Variants in CMTM7 observed in about 807,000 individuals in gnomAD.
CMTM7 encodes CKLF like MARVEL transmembrane domain containing 7, also known as CKLF-like MARVEL transmembrane domain-containing protein 7.
Under a neutral mutation model 19.3 loss-of-function variants are expected in CMTM7, and 7 were observed. The observed-to-expected ratio is 0.36, with a 90% confidence interval of 0.21 to 0.68. CMTM7 has a LOEUF of 0.68. CMTM7 is among the 30% of genes least tolerant of loss of function. CMTM7 has a pLI of 0.60. For missense variants in CMTM7, 193 were observed against 232.6 expected (o/e 0.83, Z 1.11); for synonymous variants, 87 against 99.3 (o/e 0.88, Z 0.74).
intron 2 of CMTM7, among the ~76,000 whole-genome samples, chr3:32,446,934 C>T (rs1465156282): frequency 2.0e-5 from 3 of 152,140 alleles, no homozygotes; most frequent in Non-Finnish European, 2.9e-5. Context: ...AACCTCTTTT[C>T]TTTATTTGTT....
intron 1 of CMTM7, among the ~76,000 whole-genome samples, chr3:32,400,428 C>T (rs1402520868): frequency 2.7e-5 from 3 of 109,480 alleles, no homozygotes; most frequent in East Asian, 2.6e-4. Context: ...GGTGGAGTCT[C>T]ACTCTGTTGC....
intron 1 of CMTM7, among the ~76,000 whole-genome samples, chr3:32,394,967 A>AT (rs943393094): frequency 1.3e-5 from 2 of 150,700 alleles, no homozygotes; most frequent in Non-Finnish European, 2.9e-5. Flanking sequence ...AAGCGCTGGT[A>AT]TTACAGGTGT....
intron 1 of CMTM7, among the ~76,000 whole-genome samples, chr3:32,430,309 C>T (rs994121982): frequency 6.6e-6 from 1 of 152,094 alleles, no homozygotes; most frequent in Admixed American, 6.5e-5. Context: ...TGCTGGCCAG[C>T]GTGTCTGCTT....
intron 1 of CMTM7, among the ~76,000 whole-genome samples, chr3:32,420,531 C>T (rs138032586): frequency 1.3e-5 from 2 of 152,346 alleles, no homozygotes; most frequent in Non-Finnish European, 2.9e-5. Flanking sequence ...GGAGGGCTGA[C>T]TCTACGCCAG....
intron 1 of CMTM7, among the ~76,000 whole-genome samples, chr3:32,439,291 A>T (rs1340373030): frequency 6.6e-6 from 1 of 152,122 alleles, no homozygotes; most frequent in Non-Finnish European, 1.5e-5. Flanking sequence ...TAAGCAGAGC[A>T]CTCTCCATAC....
intron 2 of CMTM7, among the ~76,000 whole-genome samples, chr3:32,446,822 C>T (rs1227752333): frequency 1.3e-5 from 2 of 152,162 alleles, no homozygotes; most frequent in Non-Finnish European, 1.5e-5. Flanking sequence ...GCCTGCTCAC[C>T]TTCACCTTTG....
intron 1 of CMTM7, among the ~76,000 whole-genome samples, chr3:32,438,583 A>G (rs1388398732): frequency 6.6e-6 from 1 of 152,204 alleles, no homozygotes; most frequent in East Asian, 1.9e-4. Flanking sequence ...AGGAGCACGC[A>G]TAAGCACACA....
chr3:32,449,825 G>T lies in CMTM7; in HGVS notation c.432+273G>T, dbSNP rs996443476. Among the ~76,000 whole-genome samples, 1 of 152,118 alleles carries T rather than the reference G, an allele frequency of 6.6e-6. No individual in the cohort carries two copies. The highest frequency in any genetic ancestry group is 1.5e-5 in the Non-Finnish European group (1 of 68,036). ...ACTACTGAAATCAGGGGGCCAGGCG[G>T]GTTTTAATTCACACACCCACTCTGA... On this transcript the variant is annotated intron_variant, in intron 3 of 4. Coordinates refer to ENST00000334983, the MANE Select transcript of CMTM7 (RefSeq NM_138410.4). The surrounding 1 kb of genome is among the most constrained non-coding windows in gnomAD (Gnocchi z 4.5).
At position 32,423,970 on chromosome 3, in the gene CMTM7, C is replaced by G. The variant is rs374284213; in HGVS notation, c.160-17870C>G. Among the ~76,000 whole-genome samples the G allele has an allele frequency of 9.9e-5, 15 of 152,274 alleles. No homozygotes were observed. In the East Asian group the frequency reaches 2.1e-3, roughly 22 times the overall value. The stretch of plus-strand genomic sequence containing the variant: ...ACTTTCAATAGAGGCCAGATAGGAC[C>G]TTTTTCTCTTTAAGTGCTTGTTCCA... On this transcript the variant is annotated intron_variant, in intron 1 of 4. Coordinates refer to ENST00000334983, the MANE Select transcript of CMTM7 (RefSeq NM_138410.4).
At chr3:32,425,083 T>C (rs1396595608) in intron 1 of CMTM7, among the ~76,000 whole-genome samples, 3 of 152,208 alleles carry the variant, frequency 2.0e-5, no homozygotes, top group Non-Finnish European at 4.4e-5. Context: ...ATCCCAGTTC[T>C]GTGTAAACAG....
intron 1 of CMTM7, among the ~76,000 whole-genome samples, chr3:32,407,128 C>T (rs1696101819): frequency 1.3e-5 from 2 of 152,208 alleles, no homozygotes; most frequent in Non-Finnish European, 2.9e-5. Context: ...GTAGAATTGC[C>T]TCCCATCTAT....
chr3:32,418,732 C>G (rs773086941), intron 1 of CMTM7, among the ~76,000 whole-genome samples: 2 of 152,200 alleles, frequency 1.3e-5, no homozygotes, highest in African/African-American at 2.4e-5. Flanking sequence ...TATTTCTGGA[C>G]TCTGTTTTGC....
chr3:32,403,691 G>A (rs1276926509), intron 1 of CMTM7, among the ~76,000 whole-genome samples: 1 of 152,102 alleles, frequency 6.6e-6, no homozygotes, highest in Non-Finnish European at 1.5e-5. Flanking sequence ...GGACAATTTG[G>A]GGTCTTTTTT....
At chr3:32,444,092 TA>T (rs571536112) in intron 2 of CMTM7, among the ~76,000 whole-genome samples, 14 of 152,232 alleles carry the variant, frequency 9.2e-5, no homozygotes, top group Non-Finnish European at 2.1e-4. Flanking sequence ...TTTTCTTTTT[TA>T]GCTCACGCTT....
chr3:32,407,625 C>G (rs1469728219), intron 1 of CMTM7, among the ~76,000 whole-genome samples: 1 of 152,084 alleles, frequency 6.6e-6, no homozygotes, highest in Non-Finnish European at 1.5e-5. Context: ...CAACACAGAC[C>G]CTTGTGTTGA....
chr3:32,439,222 A>C lies in CMTM7; in HGVS notation c.160-2618A>C, dbSNP rs1390303722. 1.6e-4 allele frequency among the ~76,000 whole-genome samples: 25 copies of C among 152,224 alleles called. 1 individual carries two copies. The highest frequency in any genetic ancestry group is 1.6e-3 in the Admixed American group (25 of 15,282). On this transcript the variant is annotated intron_variant, in intron 1 of 4. Transcript: ENST00000334983. ...CTTGCGTTGCTCATTAGCAAAGGGA[A>C]ATACACAAATGTTGAGGGACTCTTT... is the stretch of plus-strand genomic sequence containing the variant.
intron 3 of CMTM7, chr3:32,452,002 TG>T: frequency 1.9e-6 from 2 of 1,067,188 alleles, no homozygotes; most frequent in Non-Finnish European, 2.6e-6. Flanking sequence ...CCACAAATCA[TG>T]GGAACGTTCA....
At chr3:32,402,435 GACCGATTGATA>G (rs1696024534) in intron 1 of CMTM7, among the ~76,000 whole-genome samples, 1 of 151,990 alleles carries the variant, frequency 6.6e-6, no homozygotes, top group Non-Finnish European at 1.5e-5. Context: ...TAGTTAGAAA[GACCGATTGATA>G]ACCAGAGAGG....
chr3:32,442,099 C>A (rs1696687148), intron 2 of CMTM7, 86 bp downstream of exon 2: 2 of 1,245,828 alleles, frequency 1.6e-6, no homozygotes, highest in Admixed American at 1.9e-5. Context: ...TTTTTCCCGT[C>A]TGCCCATCTC....
Sources: allele counts gnomAD v4.1 joint callset (sites outside exome capture counted in the v4.1 genomes callset), GRCh38; gene constraint gnomAD v4.1.1; non-coding constraint Gnocchi (gnomAD v3.1); transcripts MANE v1.5; gene names NCBI Gene and HGNC (gene_info 2026-07-23, HGNC 2026-07-21).